The following RFPL1 variants were observed in gnomAD, a reference collection of about 807,000 sequenced individuals.
RFPL1 encodes the protein ret finger protein-like 1.
RFPL1 carries 6 observed loss-of-function variants against 9.6 expected under a neutral mutation model. The observed-to-expected ratio is 0.62, with a 90% CI of 0.34 to 1.23. The LOEUF (loss-of-function observed/expected upper bound fraction) is 1.23, where lower values mean the gene tolerates loss of function less well. Ranked by LOEUF, RFPL1 falls within the 50% of genes most tolerant of loss-of-function variation. RFPL1 has a pLI of 0.03. For synonymous variants in RFPL1, 145 were observed against 149.4 expected (o/e 0.97, Z 0.22); for missense variants, 352 against 398.4 (o/e 0.88, Z 0.99).
rs1569184895 is a variant in RFPL1 at position 29,442,000 on chromosome 22, C to CCA, written c.834_835dup (p.Leu279HisfsTer19). 1 of 1,613,948 alleles carries CCA rather than the reference C, an allele frequency of 6.2e-7. No individual in the cohort carries two copies. The highest frequency in any genetic ancestry group is 2.2e-5 in the East Asian group (1 of 44,890). On this transcript the variant is annotated frameshift_variant, in exon 2 of 2. Transcript: ENST00000354373. LOFTEE classifies it low-confidence loss of function (END_TRUNC). ...ATTCAGGAGTGTCTCTGCTGAGGAG[C>CCA]CACTGCACTTGTTTTTTGCTCCTCC... is the stretch of plus-strand genomic sequence containing the variant.
At chr22:29,438,935 G>A (rs754685271) in exon 1 of RFPL1, 130 of 1,613,762 alleles carry the variant, frequency 8.1e-5, no homozygotes, top group South Asian at 7.5e-4. Flanking sequence ...ACTATCTAGA[G>A]AAACCAATGT....
Position 29,438,776 on chromosome 22 carries a change from C to T in RFPL1, c.-16C>T, listed in dbSNP as rs746263933. On this transcript the variant is annotated 5_prime_UTR_variant, in exon 1 of 2. Coordinates refer to ENST00000354373, the Ensembl canonical transcript of RFPL1. ...TGTTCTAGAAGTGACAAAGCTGGGA[C>T]ACAATACCTTTATGCATGAAAAGGT... 16 of 1,608,230 alleles carry T rather than the reference C, an allele frequency of 9.9e-6. No individual in the cohort carries two copies. The South Asian group carries it at 1.7e-4, about 17-fold the overall frequency.
At chr22:29,410,407 CTA>C in the RFPL1 span, among the ~76,000 whole-genome samples, 28 of 42,992 alleles carry the variant, frequency 6.5e-4, 1 homozygote, top group African/African-American at 2.6e-3. Context: ...AGATATATAT[CTA>C]TATATATAGA....
upstream of RFPL1, among the ~76,000 whole-genome samples, chr22:29,435,596 C>T (rs1300414835): frequency 6.6e-6 from 1 of 152,152 alleles, no homozygotes; most frequent in African/African-American, 2.4e-5. Flanking sequence ...TAACTTGGCT[C>T]CCTACACACT....
the RFPL1 span, among the ~76,000 whole-genome samples, chr22:29,423,900 A>G: frequency 6.6e-6 from 1 of 152,186 alleles, no homozygotes; most frequent in Admixed American, 6.5e-5. Flanking sequence ...TCACGGTGTA[A>G]AGTACTATTG....
At chr22:29,418,719 C>T in the RFPL1 span, among the ~76,000 whole-genome samples, 151,089 of 152,222 alleles carry the variant, frequency 0.99, 74,990 homozygotes, top group African/African-American at 1. Context: ...AGGCTGGTGT[C>T]GAACTCCTGA....
the RFPL1 span, among the ~76,000 whole-genome samples, chr22:29,400,473 C>T: frequency 2.9e-4 from 44 of 152,120 alleles, no homozygotes; most frequent in African/African-American, 1.0e-3. Context: ...TGTATCAGTC[C>T]GAAGCTAATC....
At chr22:29,442,087 A>G (rs138728097) in exon 2 of RFPL1, 3 of 1,593,640 alleles carry the variant, frequency 1.9e-6, no homozygotes, top group African/African-American at 2.7e-5. Context: ...CCCGGGCACT[A>G]CTGATGCTCC....
At chr22:29,414,141 A>G in the RFPL1 span, among the ~76,000 whole-genome samples, 1 of 151,956 alleles carries the variant, frequency 6.6e-6, no homozygotes. Flanking sequence ...TTTCTGACTT[A>G]TTGGAAACAT....
chr22:29,419,289 C>T, the RFPL1 span: 1 of 995,846 alleles, frequency 1.0e-6, no homozygotes, highest in Non-Finnish European at 1.6e-6. Context: ...CATGAGTGAT[C>T]CCTCCCTACC....
chr22:29,417,760 C>A, the RFPL1 span, among the ~76,000 whole-genome samples: 7 of 151,674 alleles, frequency 4.6e-5, no homozygotes, highest in African/African-American at 1.7e-4. Context: ...TTTTAAAATC[C>A]AGTCTCTGCC....
chr22:29,441,573 CAACTTCCTCCTCATTTCTGACG>C lies in RFPL1; in HGVS notation c.407_428del (p.Asn136ThrfsTer67), dbSNP rs1212540584. The C allele has an allele frequency of 2.5e-6, 4 of 1,592,526 alleles. No individual in the cohort carries two copies. The highest frequency in any genetic ancestry group is 3.4e-6 in the Non-Finnish European group (4 of 1,166,798). Reference sequence around the variant, plus strand: ...TGACCTTGGATGCCGACACAGCCAACAACTTCCTCCTCATTTCTGACGACCTCAGGAGCGTCCGAAGTGGGTG... The same window carrying C: ...TGACCTTGGATGCCGACACAGCCAACACCTCAGGAGCGTCCGAAGTGGGTG... On this transcript the variant is annotated frameshift_variant, in exon 2 of 2. Coordinates refer to ENST00000354373, the Ensembl canonical transcript of RFPL1. LOFTEE classifies it low-confidence loss of function (END_TRUNC).
the RFPL1 span, among the ~76,000 whole-genome samples, chr22:29,393,670 C>G: frequency 2.6e-5 from 4 of 151,104 alleles, no homozygotes; most frequent in African/African-American, 9.7e-5. Flanking sequence ...CAATGGTAGC[C>G]AAGCCCACCT....
chr22:29,419,456 T>C, the RFPL1 span, among the ~76,000 whole-genome samples: 2 of 151,746 alleles, frequency 1.3e-5, no homozygotes, highest in Non-Finnish European at 2.9e-5. Context: ...ATTAACAAGA[T>C]GGAAACTTGT....
upstream of RFPL1, chr22:29,438,530 T>C (rs988037972): frequency 3.3e-6 from 4 of 1,218,758 alleles, no homozygotes; most frequent in African/African-American, 6.1e-5. Flanking sequence ...TTGCTGGGGT[T>C]CCCCTAGGAG....
intron 1 of RFPL1, chr22:29,439,573 G>A (rs889633027): frequency 3.8e-5 from 7 of 183,114 alleles, no homozygotes; most frequent in Admixed American, 1.1e-4. Context: ...GGCGGAGCTT[G>A]CAGTGAGCCA....
chr22:29,395,999 AAAGAGAAGAGAAGAGAAAGAAAAGAG>A, the RFPL1 span, among the ~76,000 whole-genome samples: 1 of 151,980 alleles, frequency 6.6e-6, no homozygotes, highest in African/African-American at 2.4e-5. Flanking sequence ...AAATAAGAGA[AAAGAGAAGAGAAGAGAAAGAAAAGAG>A]AAGAGAAGAG....
At chr22:29,427,247 C>T in the RFPL1 span, among the ~76,000 whole-genome samples, 1 of 152,230 alleles carries the variant, frequency 6.6e-6, no homozygotes, top group African/African-American at 2.4e-5. Context: ...CCAAAGCCAC[C>T]TCACCTGCTG....
At chr22:29,428,086 C>G in the RFPL1 span, among the ~76,000 whole-genome samples, 1 of 152,312 alleles carries the variant, frequency 6.6e-6, no homozygotes, top group Non-Finnish European at 1.5e-5. Flanking sequence ...GATTTGTCAG[C>G]TTTCTTCAGC....
Sources: allele counts gnomAD v4.1 joint callset (sites outside exome capture counted in the v4.1 genomes callset), GRCh38; gene constraint gnomAD v4.1.1; transcripts MANE v1.5; gene names NCBI Gene and HGNC (gene_info 2026-07-23, HGNC 2026-07-21).